The following NRXN3 variants were observed in gnomAD, a reference collection of about 807,000 sequenced individuals.
The protein encoded by NRXN3 is neurexin 3, also known as neurexin III.
NRXN3 carries 32 observed loss-of-function variants against 137.6 expected under a neutral mutation model. The ratio of observed to expected loss-of-function variants is 0.23; its 90% confidence interval spans 0.18 to 0.31. The LOEUF (loss-of-function observed/expected upper bound fraction) is 0.31, where lower values mean the gene tolerates loss of function less well. Ranked by LOEUF, NRXN3 falls within the 10% of genes least tolerant of loss-of-function variation. NRXN3 has a pLI of 1.00. For synonymous variants in NRXN3, 798 were observed against 784.5 expected, an observed-to-expected ratio of 1.02 and a Z score of -0.29; for missense variants, 1,574 against 2,062.5, an observed-to-expected ratio of 0.76 and a Z score of 4.59.
intron 16 of NRXN3, among the ~76,000 whole-genome samples, chr14:79,606,578 T>G (rs542721601): frequency 2.0e-5 from 3 of 152,204 alleles, no homozygotes; most frequent in Non-Finnish European, 4.4e-5. Context: ...ATGAACTAGA[T>G]TTTATAAGGT....
chr14:78,186,244 C>T (rs569122665), intron 1 of NRXN3, among the ~76,000 whole-genome samples: 6 of 152,180 alleles, frequency 3.9e-5, no homozygotes, highest in Admixed American at 1.3e-4. Context: ...ATGTTGTTCT[C>T]CTATGGTTTT....
At chr14:79,122,873 A>T (rs1176424841) in intron 15 of NRXN3, among the ~76,000 whole-genome samples, 1 of 152,164 alleles carries the variant, frequency 6.6e-6, no homozygotes, top group African/African-American at 2.4e-5. Context: ...TCTATTTTTT[A>T]AAAAATACAT....
At chr14:78,757,505 A>G (rs1403625534) in intron 8 of NRXN3, among the ~76,000 whole-genome samples, 1 of 152,012 alleles carries the variant, frequency 6.6e-6, no homozygotes, top group South Asian at 2.1e-4. Context: ...GCTAGGCCTC[A>G]GGAAAGGCAT....
At chr14:78,800,213 C>T (rs1283678195) in intron 8 of NRXN3, among the ~76,000 whole-genome samples, 1 of 152,126 alleles carries the variant, frequency 6.6e-6, no homozygotes, top group Non-Finnish European at 1.5e-5. Context: ...GTTAAGTATA[C>T]AGCTGGGAGA....
chr14:79,722,501 C>G (rs1363686453), intron 19 of NRXN3, among the ~76,000 whole-genome samples: 1 of 152,084 alleles, frequency 6.6e-6, no homozygotes, highest in East Asian at 1.9e-4. Flanking sequence ...GTACCTTGTA[C>G]AAATGTATAA....
chr14:79,248,318 A>C lies in NRXN3; in HGVS notation c.3263-218903A>C, dbSNP rs949053185. On this transcript the variant is annotated intron_variant, in intron 15 of 20. Transcript: ENST00000335750. ...ATTCTAGCCATACCCCATGACTTACAATTTCCCACAAAGAATGCACTGTGG... is the reference window on the plus strand; with the variant it reads ...ATTCTAGCCATACCCCATGACTTACCATTTCCCACAAAGAATGCACTGTGG... Among the ~76,000 whole-genome samples, 6 of 152,132 alleles carry C rather than the reference A, an allele frequency of 3.9e-5. No homozygotes were observed. The East Asian group carries it at 9.7e-4, about 25-fold the overall frequency.
At chr14:78,891,432 T>A (rs2099158603) in intron 10 of NRXN3, among the ~76,000 whole-genome samples, 1 of 151,940 alleles carries the variant, frequency 6.6e-6, no homozygotes, top group Non-Finnish European at 1.5e-5. Flanking sequence ...GGTGGTATAC[T>A]GGAGACTTAG....
intron 20 of NRXN3, among the ~76,000 whole-genome samples, chr14:79,843,460 T>C (rs1364242790): frequency 6.6e-6 from 1 of 152,168 alleles, no homozygotes; most frequent in Non-Finnish European, 1.5e-5. Flanking sequence ...GGGATGGCTG[T>C]GGTAACTTCC....
At chr14:79,776,336 A>G (rs1174221554) in intron 19 of NRXN3, among the ~76,000 whole-genome samples, 1 of 152,326 alleles carries the variant, frequency 6.6e-6, no homozygotes, top group East Asian at 1.9e-4. Context: ...TGGGCTCTCA[A>G]TAAATATTGA....
chr14:79,558,596 T>G (rs1407453258), intron 16 of NRXN3, among the ~76,000 whole-genome samples: 1 of 151,646 alleles, frequency 6.6e-6, no homozygotes. Context: ...CTCTCAACAG[T>G]AGGCTTAAAT....
At chr14:78,482,884 A>C (rs1387422704) in intron 4 of NRXN3, among the ~76,000 whole-genome samples, 1 of 152,152 alleles carries the variant, frequency 6.6e-6, no homozygotes, top group East Asian at 1.9e-4. Context: ...TTACTAGTCA[A>C]TCTGGGTTGC....
Position 78,786,741 on chromosome 14 carries a change from T to G in NRXN3, c.2045-16879T>G, listed in dbSNP as rs897107453. 4.6e-5 allele frequency among the ~76,000 whole-genome samples: 7 copies of G among 152,318 alleles called. No individual in the cohort carries two copies. The East Asian group carries it at 9.6e-4, about 21-fold the overall frequency. On this transcript the variant is annotated intron_variant, in intron 8 of 20. Transcript: ENST00000335750. ...TAGATTTTATGTGTTTTATATATAC[T>G]TATGTATATGTACACATATGTATTT...
intron 15 of NRXN3, among the ~76,000 whole-genome samples, chr14:78,994,929 G>A (rs971653566): frequency 1.3e-5 from 2 of 152,054 alleles, no homozygotes; most frequent in African/African-American, 4.8e-5. Flanking sequence ...ATTATAGTAC[G>A]ATACTCCTGA....
chr14:78,592,690 T>A (rs1239469172), intron 4 of NRXN3, among the ~76,000 whole-genome samples: 1 of 152,246 alleles, frequency 6.6e-6, no homozygotes, highest in East Asian at 1.9e-4. Context: ...GGCTTAGCTG[T>A]TGTGCATTCT....
At chr14:79,470,200 A>G (rs1476969546) in intron 16 of NRXN3, among the ~76,000 whole-genome samples, 3 of 152,202 alleles carry the variant, frequency 2.0e-5, no homozygotes, top group African/African-American at 7.2e-5. Context: ...TGGGAAAAAG[A>G]AAAAGTGATA....
chr14:78,789,194 C>T (rs2098798142), intron 8 of NRXN3, among the ~76,000 whole-genome samples: 1 of 152,202 alleles, frequency 6.6e-6, no homozygotes, highest in South Asian at 2.1e-4. Context: ...AAAAGCAAGT[C>T]TGATCATGTC....
In NRXN3 at chr14:79,755,639, C is replaced by T. The variant is rs76338049; in HGVS notation, c.4015-49473C>T. ...TTCTTATTGTCTTCCAGCAATGTCT[C>T]TATGATCATAGAGAGACAAACTGCA... On this transcript the variant is annotated intron_variant, in intron 19 of 20. Transcript: ENST00000335750. 2.8e-4 allele frequency among the ~76,000 whole-genome samples: 43 copies of T among 151,704 alleles called. 1 individual carries two copies. The East Asian group carries it at 8.4e-3, about 30-fold the overall frequency.
intron 16 of NRXN3, among the ~76,000 whole-genome samples, chr14:79,495,012 C>T (rs1352288518): frequency 1.3e-5 from 2 of 152,166 alleles, no homozygotes; most frequent in Non-Finnish European, 2.9e-5. Flanking sequence ...TCTATCTTTC[C>T]TTTCTCCACT....
At chr14:79,485,510 G>A (rs1319278753) in intron 16 of NRXN3, among the ~76,000 whole-genome samples, 1 of 152,116 alleles carries the variant, frequency 6.6e-6, no homozygotes, top group Non-Finnish European at 1.5e-5. Context: ...TGGAGTCACT[G>A]CTTTGGCAGA....
Sources: gnomAD v4.1 joint callset for allele counts (sites outside exome capture counted in the v4.1 genomes callset) on GRCh38, gnomAD v4.1.1 for gene constraint, MANE v1.5 for transcripts, NCBI Gene and HGNC (gene_info 2026-07-23, HGNC 2026-07-21) for gene names.